Variants in NEB observed in about 807,000 individuals in gnomAD.
NEB encodes the protein nemaline myopathy type 2.
NEB carries 512 observed loss-of-function variants against 952.2 expected under a neutral mutation model. That is an observed-to-expected ratio of 0.54 (90% CI 0.50 to 0.58). The LOEUF (loss-of-function observed/expected upper bound fraction) is 0.58. Ranked by LOEUF, NEB falls within the 20% of genes least tolerant of loss-of-function variation. The pLI is 0.00. For missense variants in NEB, 8,428 were observed against 9,231.1 expected (o/e 0.91, Z 3.56); for synonymous variants, 2,900 against 3,149.8 (o/e 0.92, Z 2.66).
rs530150106 is a variant in NEB at position 151,724,142 on chromosome 2, T to C, written c.612+118A>G. 2.9e-5 allele frequency: 23 copies of C among 796,168 alleles called. 1 individual carries two copies. Among genetic ancestry groups the C allele is most frequent in the Non-Finnish European group, 4.3e-5 (21 of 483,766 alleles). The allele number at this position is 796,168 out of a possible 1,614,324, so 49.3% of individuals were successfully genotyped here. On this transcript the variant is annotated intron_variant, in intron 8 of 181. Coordinates refer to ENST00000397345, the MANE Select transcript of NEB (RefSeq NM_001164508.2). ...CCTGCAGTCTCACATGTCTCAAGGC[T>C]ACTCATAAAAAGATTGGGGAATTGT...
At chr2:151,614,888 A>T (rs1417165969) in intron 76 of NEB, among the ~76,000 whole-genome samples, 3 of 152,208 alleles carry the variant, frequency 2.0e-5, no homozygotes, top group African/African-American at 7.2e-5. Flanking sequence ...TAACAAGTAG[A>T]GGTAAATATA....
rs1447677348 is a variant in NEB at position 151,633,666 on chromosome 2, G to C, written c.9402C>G (p.Asp3134Glu). The C allele has an allele frequency of 6.2e-7, 1 of 1,612,670 alleles. No individual in the cohort carries two copies. Among genetic ancestry groups the C allele is most frequent in the Non-Finnish European group, 8.5e-7 (1 of 1,178,832 alleles). ...ATGCTGTACTCACGTCACTCTGGAG[G>C]TCATAGGCCTGCCGAGCATGGATGA... ...SDVIHARQAY[D>E]LQSDNIYKSD... is the part of the protein sequence containing the mutation. The change falls in exon 65 of 182, where the codon GAC becomes GAG. Residue 3134 changes from aspartate (D) to glutamate (E), a missense_variant. Asp to Glu is a conservative substitution (Grantham distance 45). Around this residue, in one of 11 missense-constraint regions of NEB, gnomAD observed 1,772 missense variants for 1,960.3 expected, o/e 0.90. Transcript: ENST00000397345.
intron 68 of NEB, among the ~76,000 whole-genome samples, chr2:151,628,498 C>G (rs978751188): frequency 6.6e-6 from 1 of 152,102 alleles, no homozygotes; most frequent in African/African-American, 2.4e-5. Context: ...GATATTTTCT[C>G]CCTATTTCAG....
chr2:151,670,853 T>C (rs1255006714), intron 38 of NEB, among the ~76,000 whole-genome samples, 170 bp downstream of exon 38: 1 of 152,226 alleles, frequency 6.6e-6, no homozygotes, highest in East Asian at 1.9e-4. Flanking sequence ...GTTTTTCCCA[T>C]GTTCAAGATC....
At position 151,697,212 on chromosome 2, in the gene NEB, C is replaced by G. The variant is rs762704467; in HGVS notation, c.1406G>C (p.Gly469Ala). 1.9e-6 allele frequency: 3 copies of G among 1,613,800 alleles called. No individual in the cohort carries two copies. The highest frequency in any genetic ancestry group is 2.5e-6 in the Non-Finnish European group (3 of 1,179,844). The change falls in exon 16 of 182, where the codon GGC (glycine) becomes GCC (alanine). Residue 469 changes from glycine to alanine, a missense_variant. By Grantham distance (60) the Gly-to-Ala change is moderately conservative (BLOSUM62 0). Coordinates refer to ENST00000397345, the MANE Select transcript of NEB (RefSeq NM_001164508.2). ...TTGAGTTATGGTCTGAGGGAAGAAG[C>G]CTTTGCCTCTGTCTTCTTCGTATTC... ...KAEYEEDRGK[G>A]FFPQTITQEY...
chr2:151,626,988 A>T lies in NEB; in HGVS notation c.10347+14T>A. 1 of 1,613,400 alleles carries T rather than the reference A, an allele frequency of 6.2e-7. No individual in the cohort carries two copies. The highest frequency in any genetic ancestry group is 1.1e-5 in the South Asian group (1 of 91,058). On this transcript the variant is annotated intron_variant, in intron 70 of 181. Coordinates refer to ENST00000397345, the MANE Select transcript of NEB (RefSeq NM_001164508.2). ...TATAGCCCTGTCTTATTTTCCTACA[A>T]ATTGGGGGCTCACCTTGTTCATATT...
At position 151,522,863 on chromosome 2, in the gene NEB, C is replaced by G. The variant is rs529100205; in HGVS notation, c.22479+1448G>C. Among the ~76,000 whole-genome samples, 50 of 152,274 alleles carry G rather than the reference C, an allele frequency of 3.3e-4. 1 individual carries two copies. The highest frequency in any genetic ancestry group is 1.2e-3 in the African/African-American group (49 of 41,560). ...AGAGTACGCAGCAAGACAGCAAAGT[C>G]AGAACAGGGAAAGCCCACACACAGC... On this transcript the variant is annotated intron_variant, in intron 153 of 181. Transcript: ENST00000397345.
chr2:151,549,535 C>T (rs575930999), intron 130 of NEB, 101 bp downstream of exon 130: 1 of 803,988 alleles, frequency 1.2e-6, no homozygotes, highest in Non-Finnish European at 2.1e-6. Context: ...TCAGGTTGAA[C>T]CTTGAGGGTG....
intron 120 of NEB, 78 bp downstream of exon 120, chr2:151,562,533 G>A: frequency 7.4e-7 from 1 of 1,349,576 alleles, no homozygotes; most frequent in Non-Finnish European, 1.0e-6. Context: ...ACGGGAGCAT[G>A]GCAGCCAGGG....
Position 151,489,234 on chromosome 2 carries a change from G to GT in NEB, c.25404+736dup, listed in dbSNP as rs1440690431. Among the ~76,000 whole-genome samples, 8 of 152,132 alleles carry GT rather than the reference G, an allele frequency of 5.3e-5. No individual in the cohort carries two copies. In the East Asian group the frequency reaches 1.3e-3, roughly 26 times the overall value. On this transcript the variant is annotated intron_variant, in intron 181 of 181. Coordinates refer to ENST00000397345, the MANE Select transcript of NEB (RefSeq NM_001164508.2). ...AAAGATTGTTCATATCAATCCTAAAGTATTAGGCTTTTGAGGATATTATGA... is the reference window on the plus strand; with the variant it reads ...AAAGATTGTTCATATCAATCCTAAAGTTATTAGGCTTTTGAGGATATTATGA...
intron 8 of NEB, among the ~76,000 whole-genome samples, chr2:151,723,757 T>G (rs1006399997): frequency 3.4e-5 from 5 of 147,968 alleles, no homozygotes; most frequent in South Asian, 2.2e-4. Flanking sequence ...TTTGTTTTTT[T>G]TTTTTTTTTT....
At position 151,669,293 on chromosome 2, in the gene NEB, G is replaced by A. The variant is rs117655716; in HGVS notation, c.4507-162C>T. Among the ~76,000 whole-genome samples, 16 of 152,270 alleles carry A rather than the reference G, an allele frequency of 1.1e-4. No homozygotes were observed. In the East Asian group the frequency reaches 3.1e-3, roughly 29 times the overall value. ...GAGGGGCCCTGGTAGATGCATTTAT[G>A]TTCCCATTCTACCAGTATTTATTGG... On this transcript the variant is annotated intron_variant, in intron 38 of 181. Coordinates refer to ENST00000397345, the MANE Select transcript of NEB (RefSeq NM_001164508.2).
Position 151,569,302 on chromosome 2 carries a change from T to A in NEB, c.17501A>T (p.Asn5834Ile). ...GATGTCCGCGGCATGTTTGGCATGA[T>A]TGACGGACACGGAGTCATTTGGCAT... The part of the protein sequence containing the change: ...GWMPNDSVSV[N>I]HAKHAADIFS... The change falls in exon 110 of 182, where the codon AAT becomes ATT. Residue 5834 changes from asparagine to isoleucine, a missense_variant. Transcript: ENST00000397345. The A allele has an allele frequency of 6.2e-7, 1 of 1,613,946 alleles. No individual in the cohort carries two copies.
At chr2:151,540,826 G>A in intron 136 of NEB, 25 bp from the exon 137 acceptor site, 1 of 1,552,074 alleles carries the variant, frequency 6.4e-7, no homozygotes, top group Non-Finnish European at 8.9e-7. Flanking sequence ...AAAGTGAGGT[G>A]TCATAGAGAT....
chr2:151,537,266 A>G, intron 140 of NEB, 30 bp from the exon 141 acceptor site: 1 of 1,393,574 alleles, frequency 7.2e-7, no homozygotes. Flanking sequence ...AAAGAGTTCT[A>G]AGAAGCCATC....
chr2:151,563,977 T>G (rs1260064357), intron 117 of NEB, 47 bp from the exon 118 acceptor site: 1 of 1,347,350 alleles, frequency 7.4e-7, no homozygotes, highest in South Asian at 1.3e-5. Context: ...TTCAACTTCT[T>G]TCAGATACCA....
In NEB at chr2:151,548,322, T is replaced by G; in HGVS notation, c.20143A>C (p.Asn6715His). The G allele has an allele frequency of 6.2e-7, 1 of 1,612,492 alleles. No individual in the cohort carries two copies. Among genetic ancestry groups the G allele is most frequent in the Non-Finnish European group, 8.5e-7 (1 of 1,178,572 alleles). ...CATTCAGGTACCTCGCTGGTAACATTGTTGACTCTCCGGACGTGGACAAAT... is the reference window on the plus strand; with the variant it reads ...CATTCAGGTACCTCGCTGGTAACATGGTTGACTCTCCGGACGTGGACAAAT... ...VPFVHVRRVNNVTSERLYREL... is the reference protein window; with the variant it reads ...VPFVHVRRVNHVTSERLYREL... The change falls in exon 131 of 182, where the codon AAT becomes CAT. Residue 6715 changes from asparagine to histidine, a missense_variant. Asn to His is a moderately conservative substitution (Grantham distance 68). This residue lies in a region of NEB where 3,374 missense variants were observed against 3,651.5 expected (regional missense o/e 0.92). Transcript: ENST00000397345.
chr2:151,655,901 C>T lies in NEB; in HGVS notation c.6618G>A (p.Gln2206=). The T allele has an allele frequency of 6.2e-7, 1 of 1,613,826 alleles. No homozygotes were observed. Among genetic ancestry groups the T allele is most frequent in the South Asian group, 1.1e-5 (1 of 91,082 alleles). ...TEYASDQKYR[Q]HPSNFQFKKL... ...TCTTAAACTGGAAGTTGCTCGGGTG[C>T]TGGCGGTATTTCTGATCACTGGCAT... Residue 2206 remains glutamine (Q), a synonymous_variant, in exon 50 of 182, where the codon CAG becomes CAA. Transcript: ENST00000397345.
chr2:151,548,170 T>A (rs1472062007), intron 131 of NEB, 138 bp downstream of exon 131: 1 of 720,526 alleles, frequency 1.4e-6, no homozygotes, highest in African/African-American at 1.8e-5. Context: ...AGTATCAAAA[T>A]GTGACAATAA....
Sources: allele counts gnomAD v4.1 joint callset (sites outside exome capture counted in the v4.1 genomes callset), GRCh38; gene constraint gnomAD v4.1.1; regional missense constraint gnomAD v4.1.1; transcripts MANE v1.5; gene names NCBI Gene and HGNC (gene_info 2026-07-23, HGNC 2026-07-21).